PCDH15: variants seen among roughly 807,000 people sequenced by gnomAD.
PCDH15 encodes the protein protocadherin related 15.
Under a neutral mutation model 178.5 loss-of-function variants are expected in PCDH15, and 129 were observed. The ratio of observed to expected loss-of-function variants is 0.72; its 90% CI spans 0.63 to 0.84. PCDH15 has a LOEUF of 0.84. Among genes scored for constraint, PCDH15 ranks in the 40% least tolerant of loss-of-function variants. PCDH15 has a pLI of 0.00. For missense variants in PCDH15, 2,230 were observed against 2,099.9 expected (o/e 1.06, Z -1.21); for synonymous variants, 800 against 732.0 (o/e 1.09, Z -1.50).
At chr10:55,221,156 C>T (rs1840864571) in intron 1 of PCDH15, among the ~76,000 whole-genome samples, 1 of 152,016 alleles carries the variant, frequency 6.6e-6, no homozygotes, top group Non-Finnish European at 1.5e-5. Context: ...AGCACACACA[C>T]ACACTCACAC....
At chr10:54,012,787 T>C (rs1232978964) in intron 20 of PCDH15, among the ~76,000 whole-genome samples, 2 of 152,142 alleles carry the variant, frequency 1.3e-5, no homozygotes, top group African/African-American at 2.4e-5. Context: ...TAAGAGCTCC[T>C]GAAAGGAGTG....
intron 3 of PCDH15, among the ~76,000 whole-genome samples, chr10:54,471,016 G>A (rs2077882523): frequency 6.6e-6 from 1 of 151,900 alleles, no homozygotes; most frequent in Admixed American, 6.6e-5. Flanking sequence ...CGTGATTTTT[G>A]GCTACTCCAA....
intron 2 of PCDH15, among the ~76,000 whole-genome samples, chr10:55,348,745 T>C (rs1470664456): frequency 6.6e-6 from 1 of 152,022 alleles, no homozygotes; most frequent in East Asian, 1.9e-4. Flanking sequence ...TGAGACAGGG[T>C]TTTTCTTACT....
intron 1 of PCDH15, among the ~76,000 whole-genome samples, chr10:54,785,206 T>C (rs1251348212): frequency 6.6e-6 from 1 of 152,078 alleles, no homozygotes; most frequent in African/African-American, 2.4e-5. Context: ...TCTCAAACTT[T>C]TGGTGATCAG....
At chr10:54,623,734 G>A (rs374368204) in intron 2 of PCDH15, among the ~76,000 whole-genome samples, 3 of 152,140 alleles carry the variant, frequency 2.0e-5, no homozygotes, top group South Asian at 2.1e-4. Flanking sequence ...TAATCAAGAT[G>A]AAGCTAAGAT....
At chr10:55,510,654 G>A (rs987863413) in intron 2 of PCDH15, among the ~76,000 whole-genome samples, 7 of 151,690 alleles carry the variant, frequency 4.6e-5, no homozygotes, top group Non-Finnish European at 7.4e-5. Flanking sequence ...GTAAAAAACT[G>A]TTTAAAATTC....
intron 18 of PCDH15, among the ~76,000 whole-genome samples, chr10:54,050,379 T>C (rs1490148965): frequency 6.6e-6 from 1 of 152,174 alleles, no homozygotes; most frequent in East Asian, 1.9e-4. Context: ...TGAGGATCTT[T>C]TGTATTTCTG....
At chr10:54,630,521 A>G (rs1416805146) in intron 2 of PCDH15, among the ~76,000 whole-genome samples, 1 of 152,234 alleles carries the variant, frequency 6.6e-6, no homozygotes, top group Non-Finnish European at 1.5e-5. Flanking sequence ...CTTAAGATGA[A>G]TATAAGACCT....
chr10:54,215,768 G>A (rs918768692), intron 9 of PCDH15, among the ~76,000 whole-genome samples: 28 of 152,086 alleles, frequency 1.8e-4, no homozygotes, highest in Admixed American at 1.6e-3. Flanking sequence ...ACGGCCGGGC[G>A]CGGTGGCTCA....
At chr10:54,216,523 T>C (rs2052087374) in intron 9 of PCDH15, among the ~76,000 whole-genome samples, 1 of 152,158 alleles carries the variant, frequency 6.6e-6, no homozygotes, top group South Asian at 2.1e-4. Context: ...CAAATGACTC[T>C]AGATCATAAG....
At chr10:54,619,690 C>G (rs567063383) in intron 2 of PCDH15, among the ~76,000 whole-genome samples, 1 of 152,054 alleles carries the variant, frequency 6.6e-6, no homozygotes. Context: ...TCCACCATTA[C>G]TGCTATACTC....
chr10:54,689,321 T>A (rs2095072310), intron 1 of PCDH15, among the ~76,000 whole-genome samples: 1 of 152,260 alleles, frequency 6.6e-6, no homozygotes, highest in South Asian at 2.1e-4. Flanking sequence ...CACAAAGCAC[T>A]CTTTTTTGGA....
intron 1 of PCDH15, among the ~76,000 whole-genome samples, chr10:55,179,116 A>T (rs1839571595): frequency 6.6e-6 from 1 of 151,986 alleles, no homozygotes. Flanking sequence ...AGGCCATCAA[A>T]CTCCAAATGA....
intron 1 of PCDH15, among the ~76,000 whole-genome samples, chr10:54,688,742 C>A (rs1277466990): frequency 6.6e-6 from 1 of 152,006 alleles, no homozygotes; most frequent in Non-Finnish European, 1.5e-5. Flanking sequence ...AGAAGTTAAA[C>A]CCCAAAAGCA....
chr10:54,336,675 A>G (rs928666195), intron 6 of PCDH15, among the ~76,000 whole-genome samples: 3 of 152,212 alleles, frequency 2.0e-5, no homozygotes, highest in African/African-American at 7.2e-5. Context: ...ATGTCCAGAC[A>G]AAAGTTTGCT....
At chr10:55,458,529 T>G (rs1839602737) in intron 2 of PCDH15, among the ~76,000 whole-genome samples, 1 of 152,058 alleles carries the variant, frequency 6.6e-6, no homozygotes. Flanking sequence ...GCAAACAGCC[T>G]AAGCAACCTT....
intron 2 of PCDH15, among the ~76,000 whole-genome samples, chr10:55,097,959 C>T (rs1564795998): frequency 6.6e-6 from 1 of 151,840 alleles, no homozygotes; most frequent in African/African-American, 2.4e-5. Context: ...CCCTTAGAAG[C>T]AGACAAGATA....
At chr10:54,547,378 A>G (rs2085979647) in intron 2 of PCDH15, among the ~76,000 whole-genome samples, 1 of 151,720 alleles carries the variant, frequency 6.6e-6, no homozygotes, top group African/African-American at 2.4e-5. Context: ...AGTATCTGAT[A>G]TATTTGTAGA....
intron 2 of PCDH15, among the ~76,000 whole-genome samples, chr10:55,527,791 A>C (rs113710818): frequency 0.017 from 2,552 of 152,130 alleles, 74 homozygotes; most frequent in African/African-American, 0.058. Context: ...GTGAATGTAC[A>C]TTTTTAAAGT....
Sources: gnomAD v4.1 joint callset for allele counts (sites outside exome capture counted in the v4.1 genomes callset) on GRCh38, gnomAD v4.1.1 for gene constraint, MANE v1.5 for transcripts, NCBI Gene and HGNC (gene_info 2026-07-23, HGNC 2026-07-21) for gene names.